AKAP19: variants seen among roughly 807,000 people sequenced by gnomAD.
The protein encoded by AKAP19 is A-kinase anchoring protein 19.
the AKAP19 span, among the ~76,000 whole-genome samples, chr2:189,891,223 C>CT: frequency 0.059 from 6,520 of 110,456 alleles, 533 homozygotes; most frequent in African/African-American, 0.16. Context: ...TTTTTTTTTC[C>CT]TTTTTTTTTT....
chr2:190,151,026 C>T, the AKAP19 span, among the ~76,000 whole-genome samples: 1 of 151,916 alleles, frequency 6.6e-6, no homozygotes, highest in Non-Finnish European at 1.5e-5. Context: ...TAAAATTGGC[C>T]TTTTCATTCA....
the AKAP19 span, among the ~76,000 whole-genome samples, chr2:190,144,796 GTA>G: frequency 6.6e-6 from 1 of 152,058 alleles, no homozygotes; most frequent in Non-Finnish European, 1.5e-5. Flanking sequence ...GACTAACATG[GTA>G]AAACCTCATC....
the AKAP19 span, among the ~76,000 whole-genome samples, chr2:189,960,248 G>C: frequency 6.6e-6 from 1 of 152,176 alleles, no homozygotes; most frequent in Non-Finnish European, 1.5e-5. Flanking sequence ...TAAGGTTTCT[G>C]AGGGAGAATA....
the AKAP19 span, among the ~76,000 whole-genome samples, chr2:190,124,805 A>T: frequency 6.6e-6 from 1 of 152,132 alleles, no homozygotes; most frequent in Admixed American, 6.5e-5. Flanking sequence ...TAAACACATT[A>T]TACATCTGTA....
chr2:190,099,472 G>C, the AKAP19 span, among the ~76,000 whole-genome samples: 1 of 152,052 alleles, frequency 6.6e-6, no homozygotes, highest in Non-Finnish European at 1.5e-5. Context: ...CACGGTTCAA[G>C]GTGCCCCAAA....
At chr2:190,147,241 A>G in the AKAP19 span, among the ~76,000 whole-genome samples, 1 of 152,130 alleles carries the variant, frequency 6.6e-6, no homozygotes, top group Non-Finnish European at 1.5e-5. Context: ...TCCTAGCACC[A>G]TTTGTTGAAA....
the AKAP19 span, among the ~76,000 whole-genome samples, chr2:190,103,831 A>T: frequency 6.6e-6 from 1 of 152,234 alleles, no homozygotes; most frequent in Non-Finnish European, 1.5e-5. Flanking sequence ...TTAGAAAAAA[A>T]TTCTAAAATT....
the AKAP19 span, among the ~76,000 whole-genome samples, chr2:190,074,401 C>T: frequency 6.6e-6 from 1 of 151,832 alleles, no homozygotes; most frequent in Non-Finnish European, 1.5e-5. Flanking sequence ...ACCTGTAATC[C>T]CAGCACTTTG....
chr2:190,194,154 T>C, the AKAP19 span, among the ~76,000 whole-genome samples: 1 of 152,218 alleles, frequency 6.6e-6, no homozygotes, highest in Non-Finnish European at 1.5e-5. Flanking sequence ...TGAAATCTGC[T>C]GAGACTACCA....
At chr2:190,128,025 G>A in the AKAP19 span, among the ~76,000 whole-genome samples, 1 of 152,044 alleles carries the variant, frequency 6.6e-6, no homozygotes, top group African/African-American at 2.4e-5. Flanking sequence ...AAGTAATAAG[G>A]AAATAACAGT....
chr2:189,952,429 C>T, the AKAP19 span, among the ~76,000 whole-genome samples: 1 of 151,894 alleles, frequency 6.6e-6, no homozygotes, highest in African/African-American at 2.4e-5. Context: ...AAAATCATAT[C>T]ATTTTTTTTT....
chr2:190,015,228 G>A, the AKAP19 span, among the ~76,000 whole-genome samples: 4 of 152,204 alleles, frequency 2.6e-5, no homozygotes, highest in Admixed American at 6.5e-5. Flanking sequence ...CACCCCTGCA[G>A]CAAACTTCTG....
the AKAP19 span, among the ~76,000 whole-genome samples, chr2:190,104,371 A>C: frequency 6.6e-6 from 1 of 152,258 alleles, no homozygotes; most frequent in South Asian, 2.1e-4. Context: ...CTATAGAGCA[A>C]AAGAAACTAT....
the AKAP19 span, among the ~76,000 whole-genome samples, chr2:190,010,666 C>T: frequency 1.3e-5 from 2 of 152,248 alleles, no homozygotes; most frequent in East Asian, 3.9e-4. Context: ...TATCAGTCCT[C>T]TATTGTCACA....
chr2:190,092,813 T>G, the AKAP19 span, among the ~76,000 whole-genome samples: 15 of 152,060 alleles, frequency 9.9e-5, no homozygotes, highest in South Asian at 3.1e-3. Context: ...TGAAAAATAT[T>G]ATTTCCTTGT....
chr2:190,192,426 TTG>T, the AKAP19 span, among the ~76,000 whole-genome samples: 3 of 149,524 alleles, frequency 2.0e-5, no homozygotes, highest in African/African-American at 2.5e-5. Flanking sequence ...CCATTCTAGT[TTG>T]TGTTTCCATG....
the AKAP19 span, among the ~76,000 whole-genome samples, chr2:190,197,501 C>T: frequency 1.3e-5 from 2 of 152,184 alleles, no homozygotes; most frequent in African/African-American, 4.8e-5. This position sits in a 1 kb window ranked among gnomAD's most constrained non-coding sequence, Gnocchi z 4.0. Flanking sequence ...CCTCTCTTCC[C>T]AATCTTGAAC....
the AKAP19 span, among the ~76,000 whole-genome samples, chr2:190,045,794 G>A: frequency 6.6e-6 from 1 of 152,166 alleles, no homozygotes; most frequent in South Asian, 2.1e-4. Context: ...ATGTACGGGG[G>A]TCTAAACTCC....
At chr2:190,006,916 A>T in the AKAP19 span, among the ~76,000 whole-genome samples, 3 of 152,020 alleles carry the variant, frequency 2.0e-5, no homozygotes, top group Admixed American at 2.0e-4. Context: ...GATACTCTGG[A>T]GGCTGAGGCA....
Sources: allele counts gnomAD v4.1 joint callset (sites outside exome capture counted in the v4.1 genomes callset), GRCh38; gene constraint gnomAD v4.1.1; non-coding constraint Gnocchi (gnomAD v3.1); transcripts MANE v1.5; gene names NCBI Gene and HGNC (gene_info 2026-07-23, HGNC 2026-07-21).